Variants in CEP112 observed in about 807,000 individuals in gnomAD.
The protein encoded by CEP112 is centrosomal protein 112.
CEP112 carries 127 observed loss-of-function variants against 153.0 expected under a neutral mutation model. The observed-to-expected ratio is 0.83, with a 90% CI of 0.72 to 0.96. CEP112 has a LOEUF of 0.96. CEP112 is among the 40% of genes least tolerant of loss of function. The pLI is 0.00. For missense variants in CEP112, 1,089 were observed against 1,101.2 expected, an observed-to-expected ratio of 0.99 and a Z score of 0.16; for synonymous variants, 358 against 374.4, an observed-to-expected ratio of 0.96 and a Z score of 0.51.
intron 20 of CEP112, among the ~76,000 whole-genome samples, chr17:65,854,047 G>T (rs1200331366): frequency 6.6e-6 from 1 of 152,116 alleles, no homozygotes; most frequent in Non-Finnish European, 1.5e-5. Context: ...GAAATCTTCT[G>T]TCACTTACTT....
rs76606564 is a variant in CEP112, at chr17:65,666,173, C to A, written c.2697+22956G>T. Among the ~76,000 whole-genome samples the A allele has an allele frequency of 6.1e-3, 935 of 152,360 alleles. 4 individuals are homozygous for A. The highest frequency in any genetic ancestry group is 0.042 in the East Asian group (216 of 5,192). The stretch of plus-strand genomic sequence containing the variant: ...CCGAACTCTGGGAGCTCCCTGACAC[C>A]TGCATGCTTTATCCCCAGGCTACCG... On this transcript the variant is annotated intron_variant, in intron 24 of 26. Transcript: ENST00000535342.
intron 12 of CEP112, among the ~76,000 whole-genome samples, chr17:66,038,911 G>A (rs2065856577): frequency 6.6e-6 from 1 of 152,162 alleles, no homozygotes; most frequent in Non-Finnish European, 1.5e-5. Flanking sequence ...AGAGTAATTG[G>A]CAGGTTACTG....
intron 20 of CEP112, among the ~76,000 whole-genome samples, chr17:65,900,113 A>G (rs966195275): frequency 6.6e-6 from 1 of 152,194 alleles, no homozygotes; most frequent in Non-Finnish European, 1.5e-5. Flanking sequence ...ACAAATTATG[A>G]GTATTTTGGT....
chr17:66,143,931 T>G (rs1334910480), intron 4 of CEP112, among the ~76,000 whole-genome samples: 1 of 152,206 alleles, frequency 6.6e-6, no homozygotes, highest in African/African-American at 2.4e-5. Flanking sequence ...CCTATTTCTC[T>G]GCTCTTTGAA....
rs764275866 is a variant in CEP112, at chr17:65,822,836, G to GA, written c.2394+28967dup. On this transcript the variant is annotated intron_variant, in intron 21 of 26. Transcript: ENST00000535342. ...AGGTATTCAGCTAATTATATATGTA[G>GA]AAAAATTCCAAGGAATCTACCAAAA... is the stretch of plus-strand genomic sequence containing the variant. Among the ~76,000 whole-genome samples the GA allele has an allele frequency of 5.3e-4, 80 of 152,138 alleles. No homozygotes were observed. In the Middle Eastern group the frequency reaches 0.01, roughly 19 times the overall value.
At chr17:65,928,858 T>C (rs549872793) in intron 18 of CEP112, among the ~76,000 whole-genome samples, 2 of 152,268 alleles carry the variant, frequency 1.3e-5, no homozygotes, top group South Asian at 4.2e-4. Context: ...AGTAAGATCC[T>C]GTCTCAAAAC....
intron 16 of CEP112, among the ~76,000 whole-genome samples, chr17:66,026,044 G>A (rs577972316): frequency 5.3e-5 from 8 of 151,650 alleles, no homozygotes; most frequent in South Asian, 2.1e-4. Flanking sequence ...CAAATGCCAC[G>A]TTCTTATTTA....
At chr17:66,100,911 T>A (rs919574532) in intron 6 of CEP112, among the ~76,000 whole-genome samples, 1 of 152,140 alleles carries the variant, frequency 6.6e-6, no homozygotes, top group Non-Finnish European at 1.5e-5. Context: ...TAATGATTCA[T>A]AGGTTATGTA....
At chr17:65,825,349 G>A (rs1018579660) in intron 21 of CEP112, among the ~76,000 whole-genome samples, 1 of 152,160 alleles carries the variant, frequency 6.6e-6, no homozygotes, top group African/African-American at 2.4e-5. Context: ...TAGAAGGATG[G>A]TTTTGGGATG....
chr17:66,073,479 T>C lies in CEP112; in HGVS notation c.769-3478A>G, dbSNP rs1002806476. On this transcript the variant is annotated intron_variant, in intron 8 of 26. Transcript: ENST00000535342. ...GCTGATGGCTGGGATGTGTGCACCCTGGGTGAATAACAAAACATTACTGCT... is the reference window on the plus strand; with the variant it reads ...GCTGATGGCTGGGATGTGTGCACCCCGGGTGAATAACAAAACATTACTGCT... Among the ~76,000 whole-genome samples, 4 of 152,208 alleles carry C rather than the reference T, an allele frequency of 2.6e-5. No individual in the cohort carries two copies. In the East Asian group the frequency reaches 5.8e-4, roughly 22 times the overall value.
At chr17:65,962,440 C>G (rs1899580) in intron 17 of CEP112, among the ~76,000 whole-genome samples, 43 of 152,026 alleles carry the variant, frequency 2.8e-4, no homozygotes, top group African/African-American at 1.0e-3. Context: ...ATACCTTAGG[C>G]GGAAACTATA....
chr17:66,121,276 C>CAA (rs34302471), intron 6 of CEP112, among the ~76,000 whole-genome samples: 77 of 138,110 alleles, frequency 5.6e-4, no homozygotes, highest in South Asian at 7.1e-4. Context: ...CACTTCGTCT[C>CAA]AAAAAAAAAA....
chr17:65,998,792 T>C (rs11079618), intron 17 of CEP112, among the ~76,000 whole-genome samples: 62,465 of 151,982 alleles, frequency 0.41, 14,311 homozygotes, highest in East Asian at 0.87. Context: ...CCTCATGTTA[T>C]AGATGTAAAG....
At chr17:65,947,840 G>GAA in intron 18 of CEP112, among the ~76,000 whole-genome samples, 1 of 151,944 alleles carries the variant, frequency 6.6e-6, no homozygotes, top group South Asian at 2.1e-4. Flanking sequence ...AATTAACCAA[G>GAA]AGAAAATGCT....
rs1464824459 is a variant in CEP112, at chr17:65,828,086, G to A, written c.2394+23718C>T. ...CTCCTACTAGAATGAGCTCTGAGGGGACAGGAATATATGCCATTTTGCTCA... is the reference window on the plus strand; with the variant it reads ...CTCCTACTAGAATGAGCTCTGAGGGAACAGGAATATATGCCATTTTGCTCA... On this transcript the variant is annotated intron_variant, in intron 21 of 26. Coordinates refer to ENST00000535342, the MANE Select transcript of CEP112 (RefSeq NM_001199165.4). Among the ~76,000 whole-genome samples, 6 of 152,302 alleles carry A rather than the reference G, an allele frequency of 3.9e-5. No homozygotes were observed. The East Asian group carries it at 7.7e-4, about 20-fold the overall frequency.
At position 65,879,910 on chromosome 17, in the gene CEP112, A is replaced by T. The variant is rs147951233; in HGVS notation, c.2163+22242T>A. On this transcript the variant is annotated intron_variant, in intron 20 of 26. Coordinates refer to ENST00000535342, the MANE Select transcript of CEP112 (RefSeq NM_001199165.4). ...AGGAGGTTCAATATACAACTGACAG[A>T]AGCCCAGAAAAGACAATAAACAACA... Among the ~76,000 whole-genome samples, 26 of 151,960 alleles carry T rather than the reference A, an allele frequency of 1.7e-4. 2 individuals carry two copies. The East Asian group carries it at 5.0e-3, about 29-fold the overall frequency.
intron 23 of CEP112, among the ~76,000 whole-genome samples, chr17:65,711,872 C>T (rs1445921655): frequency 6.6e-6 from 1 of 152,196 alleles, no homozygotes; most frequent in Non-Finnish European, 1.5e-5. Context: ...ACCAAACAAC[C>T]ACACGACTGA....
At chr17:65,881,743 T>A (rs2059085369) in intron 20 of CEP112, among the ~76,000 whole-genome samples, 1 of 152,180 alleles carries the variant, frequency 6.6e-6, no homozygotes, top group African/African-American at 2.4e-5. Context: ...CTGAATTTAG[T>A]TTATGTACCA....
At chr17:65,743,416 A>C (rs1481595131) in intron 22 of CEP112, among the ~76,000 whole-genome samples, 199 bp from the exon 23 acceptor site, 1 of 152,238 alleles carries the variant, frequency 6.6e-6, no homozygotes, top group Non-Finnish European at 1.5e-5. Context: ...AATGGTGAAC[A>C]ACTGCTGAAC....
Sources: gnomAD v4.1 joint callset for allele counts (sites outside exome capture counted in the v4.1 genomes callset) on GRCh38, gnomAD v4.1.1 for gene constraint, MANE v1.5 for transcripts, NCBI Gene and HGNC (gene_info 2026-07-23, HGNC 2026-07-21) for gene names.